Variants in WDPCP observed in about 807,000 individuals in gnomAD.
The protein encoded by WDPCP is WD repeat-containing and planar cell polarity effector protein fritz homolog.
A neutral mutation model predicts 93.1 loss-of-function variants in WDPCP; 71 were observed. That is an observed-to-expected ratio of 0.76 (90% confidence interval 0.63 to 0.93). The LOEUF (loss-of-function observed/expected upper bound fraction) is 0.93, where lower values mean the gene tolerates loss of function less well. WDPCP is among the 40% of genes least tolerant of loss of function. WDPCP has a pLI of 0.00. For synonymous variants in WDPCP, 315 were observed against 315.0 expected (o/e 1.00, Z 0.00); for missense variants, 844 against 887.4 (o/e 0.95, Z 0.62).
At chr2:63,349,557 T>C (rs1192161498) in intron 12 of WDPCP, among the ~76,000 whole-genome samples, 3 of 152,172 alleles carry the variant, frequency 2.0e-5, no homozygotes, top group African/African-American at 7.2e-5. Flanking sequence ...TAAAGGTTTA[T>C]TGGCATTTTC....
intron 2 of WDPCP, among the ~76,000 whole-genome samples, chr2:63,685,865 A>T (rs547795117): frequency 1.3e-5 from 2 of 152,352 alleles, no homozygotes; most frequent in South Asian, 4.1e-4. Context: ...ACATATGATC[A>T]TTTAAATTGA....
At chr2:63,631,417 AAG>A in intron 3 of WDPCP, among the ~76,000 whole-genome samples, 1 of 152,192 alleles carries the variant, frequency 6.6e-6, no homozygotes, top group East Asian at 1.9e-4. Context: ...CTAGAAAAAG[AAG>A]AGAGAAAAAA....
intron 3 of WDPCP, among the ~76,000 whole-genome samples, chr2:63,600,739 C>A (rs1174796132): frequency 6.6e-6 from 1 of 152,122 alleles, no homozygotes; most frequent in Non-Finnish European, 1.5e-5. Flanking sequence ...CCCTGAGAGG[C>A]TATAGGCTGT....
intron 2 of WDPCP, among the ~76,000 whole-genome samples, chr2:63,691,818 T>C (rs763016690): frequency 6.6e-6 from 1 of 151,860 alleles, no homozygotes; most frequent in Non-Finnish European, 1.5e-5. Context: ...TTTGTTAACT[T>C]TAATAAGTAG....
intron 14 of WDPCP, among the ~76,000 whole-genome samples, chr2:63,201,973 C>G (rs1347951822): frequency 6.6e-6 from 1 of 151,500 alleles, no homozygotes; most frequent in Non-Finnish European, 1.5e-5. Context: ...TGTTGTTTTT[C>G]TATTTTCTAG....
intron 2 of WDPCP, among the ~76,000 whole-genome samples, chr2:63,719,714 C>G (rs1042443000): frequency 6.6e-6 from 1 of 151,590 alleles, no homozygotes; most frequent in Non-Finnish European, 1.5e-5. Flanking sequence ...TGAAATATTT[C>G]GGAGCATAAT....
At chr2:63,193,719 A>C (rs548199058) in intron 14 of WDPCP, among the ~76,000 whole-genome samples, 5 of 152,330 alleles carry the variant, frequency 3.3e-5, no homozygotes, top group African/African-American at 7.2e-5. Flanking sequence ...TTGATATTTT[A>C]TATATAAGCT....
At chr2:63,720,365 C>T (rs1402950212) in intron 2 of WDPCP, among the ~76,000 whole-genome samples, 3 of 150,464 alleles carry the variant, frequency 2.0e-5, no homozygotes, top group Admixed American at 6.6e-5. Flanking sequence ...TGCGGCGAGC[C>T]GAGATTGCGC....
At chr2:63,323,978 G>A (rs921452674) in intron 12 of WDPCP, among the ~76,000 whole-genome samples, 2 of 151,984 alleles carry the variant, frequency 1.3e-5, no homozygotes, top group Non-Finnish European at 2.9e-5. Flanking sequence ...GAAACACTCA[G>A]GCATCAACAG....
At chr2:63,561,098 C>A (rs754116450) in intron 1 of WDPCP, among the ~76,000 whole-genome samples, 6 of 152,124 alleles carry the variant, frequency 3.9e-5, no homozygotes, top group Admixed American at 2.6e-4. Context: ...AAATGTAAAA[C>A]CCAAAACTAC....
chr2:63,378,136 T>G, intron 12 of WDPCP: 1 of 482,028 alleles, frequency 2.1e-6, no homozygotes, highest in Non-Finnish European at 3.7e-6. Flanking sequence ...TGACTTTACA[T>G]AGCTTTCATA....
intron 1 of WDPCP, among the ~76,000 whole-genome samples, chr2:63,532,762 A>T (rs1703959388): frequency 1.3e-5 from 2 of 152,236 alleles, no homozygotes; most frequent in Admixed American, 1.3e-4. Flanking sequence ...AACATGTCAA[A>T]TTCTAAAGAC....
At chr2:63,791,570 C>T (rs1424755627) in intron 2 of WDPCP, among the ~76,000 whole-genome samples, 1 of 152,116 alleles carries the variant, frequency 6.6e-6, no homozygotes, top group African/African-American at 2.4e-5. Flanking sequence ...GCACTGCTTA[C>T]TGCTTGAATA....
At chr2:63,402,705 C>T (rs769032680) in intron 10 of WDPCP, among the ~76,000 whole-genome samples, 2 of 152,062 alleles carry the variant, frequency 1.3e-5, no homozygotes, top group Non-Finnish European at 2.9e-5. Context: ...TGCAGTGGCA[C>T]GATCTTGGCT....
chr2:63,391,096 A>T (rs1693200301), intron 10 of WDPCP, among the ~76,000 whole-genome samples: 1 of 152,184 alleles, frequency 6.6e-6, no homozygotes, highest in Non-Finnish European at 1.5e-5. Context: ...AAAAAAGAGA[A>T]TTTTAGACCA....
intron 9 of WDPCP, among the ~76,000 whole-genome samples, chr2:63,423,399 C>T (rs1445310285): frequency 2.6e-5 from 4 of 152,128 alleles, no homozygotes; most frequent in Non-Finnish European, 5.9e-5. Context: ...TAGTTGGTTA[C>T]ATTATTACTT....
chr2:63,288,817 A>G (rs1559286173), intron 13 of WDPCP, among the ~76,000 whole-genome samples: 1 of 152,080 alleles, frequency 6.6e-6, no homozygotes, highest in Non-Finnish European at 1.5e-5. Context: ...GTCTCCTTTA[A>G]TCTGGAATAG....
chr2:63,341,619 A>G (rs1400840290), intron 12 of WDPCP, among the ~76,000 whole-genome samples: 1 of 152,158 alleles, frequency 6.6e-6, no homozygotes, highest in African/African-American at 2.4e-5. Context: ...ACATCTAGAG[A>G]GATGGGACAG....
At chr2:63,569,473 C>T (rs770568818) in intron 1 of WDPCP, among the ~76,000 whole-genome samples, 41 of 151,812 alleles carry the variant, frequency 2.7e-4, no homozygotes, top group Non-Finnish European at 3.7e-4. Flanking sequence ...TACTATGTCA[C>T]CAATGCAAAA....
Sources: gnomAD v4.1 joint callset for allele counts (sites outside exome capture counted in the v4.1 genomes callset) on GRCh38, gnomAD v4.1.1 for gene constraint, MANE v1.5 for transcripts, NCBI Gene and HGNC (gene_info 2026-07-23, HGNC 2026-07-21) for gene names.